PKP2: variants seen among roughly 807,000 people sequenced by gnomAD.
PKP2 encodes plakophilin 2, also known as plakophilin-2.
Under a neutral mutation model 83.4 loss-of-function variants are expected in PKP2, and 73 were observed. That is an observed-to-expected ratio of 0.88 (90% CI 0.72 to 1.06). PKP2 has a LOEUF of 1.06. Among genes scored for constraint, PKP2 ranks in the 50% least tolerant of loss-of-function variants. The pLI is 0.00. For synonymous variants in PKP2, 409 were observed against 430.4 expected (o/e 0.95, Z 0.62); for missense variants, 966 against 1,065.4 (o/e 0.91, Z 1.30).
chr12:32,880,618 A>G (rs1271523158), intron 1 of PKP2, among the ~76,000 whole-genome samples: 1 of 152,162 alleles, frequency 6.6e-6, no homozygotes, highest in African/African-American at 2.4e-5. Flanking sequence ...GCCCACTCTC[A>G]TGAAAACACA....
intron 6 of PKP2, among the ~76,000 whole-genome samples, chr12:32,834,582 C>T (rs1333403586): frequency 6.6e-6 from 1 of 152,018 alleles, no homozygotes; most frequent in Non-Finnish European, 1.5e-5. Context: ...CTGATGGAGC[C>T]CCTACCATTC....
At chr12:32,802,707 G>A (rs1565574867) in intron 9 of PKP2, 151 bp from the exon 10 acceptor site, 21 of 704,768 alleles carry the variant, frequency 3.0e-5, no homozygotes, top group Admixed American at 4.7e-5. Flanking sequence ...CATTCAGGCT[G>A]GAGTGCAGTG....
At chr12:32,896,410 G>A in intron 1 of PKP2, 99 bp downstream of exon 1, 1 of 901,880 alleles carries the variant, frequency 1.1e-6, no homozygotes, top group Non-Finnish European at 1.6e-6. Context: ...GCAGAACACG[G>A]GGTCCCGCAC....
intron 1 of PKP2, among the ~76,000 whole-genome samples, chr12:32,895,192 CAT>C (rs371098176): frequency 1.6e-4 from 24 of 150,030 alleles, no homozygotes; most frequent in Admixed American, 8.6e-4. Context: ...TTTTTAAATA[CAT>C]ATATATATAT....
At chr12:32,822,752 C>T (rs1956394520) in intron 7 of PKP2, 121 bp from the exon 8 acceptor site, 2 of 1,051,086 alleles carry the variant, frequency 1.9e-6, no homozygotes, top group Admixed American at 1.8e-5. Context: ...TGTGCTTAAA[C>T]TGCGGGTTGC....
At chr12:32,834,021 A>G (rs550858846) in intron 6 of PKP2, among the ~76,000 whole-genome samples, 1 of 152,198 alleles carries the variant, frequency 6.6e-6, no homozygotes, top group Non-Finnish European at 1.5e-5. Context: ...TGATAGAATG[A>G]TGAACTAAAG....
intron 6 of PKP2, among the ~76,000 whole-genome samples, chr12:32,838,353 G>T (rs1033019194): frequency 6.6e-6 from 1 of 152,070 alleles, no homozygotes; most frequent in African/African-American, 2.4e-5. Context: ...CAGGAAAAAG[G>T]GTTGAAAATC....
chr12:32,822,426 T>A, intron 8 of PKP2, 41 bp downstream of exon 8: 1 of 1,547,042 alleles, frequency 6.5e-7, no homozygotes, highest in Non-Finnish European at 8.9e-7. Flanking sequence ...CTCTCTCTCA[T>A]TCTCTCCCTT....
intron 6 of PKP2, among the ~76,000 whole-genome samples, chr12:32,830,434 C>T (rs1408435798): frequency 1.3e-5 from 2 of 152,208 alleles, no homozygotes; most frequent in Non-Finnish European, 2.9e-5. Context: ...CAGCAAACAT[C>T]AGCCAAAGTC....
chr12:32,830,108 C>G (rs1956485116), intron 6 of PKP2, among the ~76,000 whole-genome samples: 1 of 152,208 alleles, frequency 6.6e-6, no homozygotes, highest in South Asian at 2.1e-4. Context: ...TGGTACCAGT[C>G]AGATAAACAC....
intron 1 of PKP2, among the ~76,000 whole-genome samples, chr12:32,890,096 AAG>A (rs1957065298): frequency 1.3e-5 from 2 of 150,968 alleles, no homozygotes; most frequent in African/African-American, 2.4e-5. Flanking sequence ...AAAAAAAAAA[AAG>A]AAAAGCTGAC....
chr12:32,804,960 T>A (rs182785606), intron 9 of PKP2, among the ~76,000 whole-genome samples: 5 of 152,320 alleles, frequency 3.3e-5, no homozygotes, highest in Non-Finnish European at 5.9e-5. Flanking sequence ...CTTGCCAGCA[T>A]CTGTTGTTTT....
At chr12:32,860,306 A>G (rs536014981) in intron 4 of PKP2, among the ~76,000 whole-genome samples, 1 of 152,318 alleles carries the variant, frequency 6.6e-6, no homozygotes, top group African/African-American at 2.4e-5. Flanking sequence ...TATTCAGTAG[A>G]GTATTAATTA....
chr12:32,894,797 A>T (rs1957107149), intron 1 of PKP2: 1 of 152,168 alleles, frequency 6.6e-6, no homozygotes, highest in Non-Finnish European at 1.5e-5. Context: ...ACAGAGAATG[A>T]ATGGGTGTAA....
chr12:32,811,106 A>G (rs905165539), intron 9 of PKP2, among the ~76,000 whole-genome samples: 4 of 152,214 alleles, frequency 2.6e-5, no homozygotes, highest in African/African-American at 9.6e-5. Flanking sequence ...GCCACTTGGT[A>G]CCAAATGTTT....
chr12:32,879,120 T>C, intron 1 of PKP2, 88 bp from the exon 2 acceptor site: 2 of 788,916 alleles, frequency 2.5e-6, no homozygotes, highest in South Asian at 1.4e-5. Flanking sequence ...TATTAAACTT[T>C]TAAATTTAAG....
At chr12:32,871,586 C>T (rs1440797179) in intron 3 of PKP2, among the ~76,000 whole-genome samples, 1 of 152,114 alleles carries the variant, frequency 6.6e-6, no homozygotes, top group Non-Finnish European at 1.5e-5. Context: ...CTGCCTTAGC[C>T]TCCAGAGTAG....
chr12:32,796,693 C>T (rs1455399969), intron 10 of PKP2, among the ~76,000 whole-genome samples: 1 of 152,112 alleles, frequency 6.6e-6, no homozygotes, highest in Admixed American at 6.5e-5. Flanking sequence ...GACACTGCGC[C>T]CGGCCAAGAA....
chr12:32,896,567 C>A lies in PKP2; in HGVS notation c.165G>T (p.Arg55=), dbSNP rs1472609900. The change falls in exon 1 of 13, where the codon CGG becomes CGT. Residue 55 remains arginine (R), a synonymous_variant. Transcript: ENST00000340811. ...GRGGQTVKSL[R]IQEQVQQTLA... ...GGGTCTGCTGCACCTGCTCCTGGAT[C>A]CGCAGGCTCTTGACTGTCTGGCCGC... 1.9e-6 allele frequency: 3 copies of A among 1,590,622 alleles called. No homozygotes were observed. Among genetic ancestry groups the A allele is most frequent in the South Asian group, 1.1e-5 (1 of 89,708 alleles).
Sources: gnomAD v4.1 joint callset for allele counts (sites outside exome capture counted in the v4.1 genomes callset) on GRCh38, gnomAD v4.1.1 for gene constraint, MANE v1.5 for transcripts, NCBI Gene and HGNC (gene_info 2026-07-23, HGNC 2026-07-21) for gene names.